The following COMMD1 variants were observed in gnomAD, a reference collection of about 807,000 sequenced individuals.
COMMD1 encodes COMM domain-containing protein 1.
A neutral mutation model predicts 17.2 loss-of-function variants in COMMD1; 10 were observed. That is an observed-to-expected ratio of 0.58 (90% CI 0.36 to 0.99). COMMD1 has a LOEUF of 0.99. Ranked by LOEUF, COMMD1 falls within the 50% of genes least tolerant of loss-of-function variation. The probability of loss-of-function intolerance (pLI) is 0.01; values close to 1 mark genes in which losing one functional copy is unlikely to be tolerated. For synonymous variants in COMMD1, 97 were observed against 91.6 expected, an observed-to-expected ratio of 1.06 and a Z score of -0.34; for missense variants, 270 against 231.8, an observed-to-expected ratio of 1.17 and a Z score of -1.07.
intron 1 of COMMD1, among the ~76,000 whole-genome samples, chr2:61,922,647 G>A (rs13391450): frequency 0.08 from 12,184 of 152,202 alleles, 1,161 homozygotes; most frequent in African/African-American, 0.22. Flanking sequence ...ATAAAAATTT[G>A]CGAGGTTTAT....
intron 2 of COMMD1, among the ~76,000 whole-genome samples, chr2:62,126,804 C>G (rs1040583491): frequency 7.9e-5 from 12 of 152,102 alleles, no homozygotes; most frequent in Non-Finnish European, 1.6e-4. Context: ...AAGCATTCCC[C>G]TTGAAAACCG....
chr2:62,135,449 C>G (rs1249902734), intron 2 of COMMD1, among the ~76,000 whole-genome samples: 1 of 151,696 alleles, frequency 6.6e-6, no homozygotes, highest in Non-Finnish European at 1.5e-5. Flanking sequence ...CTTTCGGGTT[C>G]ACGCCATTCT....
chr2:61,945,439 C>G (rs920456796), intron 1 of COMMD1, among the ~76,000 whole-genome samples: 1 of 152,200 alleles, frequency 6.6e-6, no homozygotes, highest in Admixed American at 6.5e-5. Context: ...CAATTATCCT[C>G]TTGGTTTGAG....
intron 2 of COMMD1, among the ~76,000 whole-genome samples, chr2:62,031,958 A>G (rs1022961772): frequency 5.3e-5 from 8 of 152,186 alleles, no homozygotes; most frequent in African/African-American, 1.9e-4. Context: ...GCTTCTGTGA[A>G]ATGCTCTTTT....
chr2:62,018,629 C>T (rs997842430), intron 2 of COMMD1, among the ~76,000 whole-genome samples: 11 of 152,070 alleles, frequency 7.2e-5, no homozygotes, highest in African/African-American at 1.9e-4. Context: ...TAAAAAAACT[C>T]GATGTTTTGA....
chr2:61,990,055 G>A (rs1174110676), intron 1 of COMMD1, among the ~76,000 whole-genome samples: 1 of 152,204 alleles, frequency 6.6e-6, no homozygotes, highest in African/African-American at 2.4e-5. Flanking sequence ...TATCAACAAG[G>A]TAAGGCGATA....
At chr2:61,905,665 G>T, upstream of COMMD1, 1 of 1,536,894 alleles carries the variant, frequency 6.5e-7, no homozygotes, top group Non-Finnish European at 8.8e-7. Context: ...TGCGGGGCGG[G>T]GCCTTCGCAG....
intron 1 of COMMD1, chr2:61,915,632 A>G: frequency 2.3e-6 from 1 of 440,986 alleles, no homozygotes; most frequent in Non-Finnish European, 4.6e-6. Flanking sequence ...TGAAACTGTA[A>G]ATGCTCACCA....
chr2:61,973,863 C>G (rs1488221159), intron 1 of COMMD1, among the ~76,000 whole-genome samples: 1 of 152,084 alleles, frequency 6.6e-6, no homozygotes, highest in African/African-American at 2.4e-5. Context: ...CTATATAATC[C>G]ACACACCTGT....
chr2:61,963,185 T>TATATTA (rs1422002132), intron 1 of COMMD1, among the ~76,000 whole-genome samples: 4 of 129,788 alleles, frequency 3.1e-5, no homozygotes, highest in South Asian at 2.5e-4. Flanking sequence ...TATATATATA[T>TATATTA]TATATACACA....
At chr2:61,890,091 G>T (rs1306925589) in intron 1 of COMMD1, among the ~76,000 whole-genome samples, 4 of 152,214 alleles carry the variant, frequency 2.6e-5, no homozygotes. Context: ...ATGAAATGAG[G>T]TTTGTTGAAT....
chr2:62,059,323 T>TA lies in COMMD1; in HGVS notation c.462+58341_462+58342insA, dbSNP rs1255220192. Among the ~76,000 whole-genome samples, 32 of 148,324 alleles carry TA rather than the reference T, an allele frequency of 2.2e-4. No homozygotes were observed. The East Asian group carries it at 5.5e-3, about 26-fold the overall frequency. ...GTGCAAGCCATGGCACCTGGCTAAT[T>TA]TAAAAAAAAATTTTTTTGTTTTTTG... On this transcript the variant is annotated intron_variant, in intron 2 of 2. Transcript: ENST00000311832.
In COMMD1 at chr2:61,957,559, C is replaced by T. The variant is rs940509494; in HGVS notation, c.181-43142C>T. Among the ~76,000 whole-genome samples, 4 of 152,008 alleles carry T rather than the reference C, an allele frequency of 2.6e-5. No individual in the cohort carries two copies. In the South Asian group the frequency reaches 6.2e-4, roughly 24 times the overall value. Reference sequence around the variant, plus strand: ...TGGAATCTGCAGAAATTAACGTTAGCCGTAAAGTCTTTGTCTCCTTTTTTT... The same window carrying T: ...TGGAATCTGCAGAAATTAACGTTAGTCGTAAAGTCTTTGTCTCCTTTTTTT... On this transcript the variant is annotated intron_variant, in intron 1 of 2. Coordinates refer to ENST00000311832, the MANE Select transcript of COMMD1 (RefSeq NM_152516.4).
Position 62,001,194 on chromosome 2 carries a change from C to A in COMMD1, c.462+212C>A, listed in dbSNP as rs769586220. On this transcript the variant is annotated intron_variant, in intron 2 of 2. Transcript: ENST00000311832. ...AGCCTCAGGGTCCTGGCAGCTGTCT[C>A]AGAAGAACAGAATGGGCCAATAATG... 62 of 555,446 alleles carry A rather than the reference C, an allele frequency of 1.1e-4. 1 individual carries two copies. The highest frequency in any genetic ancestry group is 2.1e-4 in the Admixed American group (7 of 33,574). 34.4% of individuals were successfully genotyped at this position (555,446 alleles called of 1,614,324 possible).
At position 62,016,289 on chromosome 2, in the gene COMMD1, A is replaced by C. The variant is rs572714248; in HGVS notation, c.462+15307A>C. Among the ~76,000 whole-genome samples, 241 of 144,726 alleles carry C rather than the reference A, an allele frequency of 1.7e-3. 2 individuals are homozygous for C. The highest frequency in any genetic ancestry group is 5.0e-3 in the African/African-American group (192 of 38,774). The allele number at this position is 144,726 out of a possible 152,430, so 94.9% of individuals were successfully genotyped here. A position where few individuals can be genotyped will look rare whatever the true frequency, so the allele number is the denominator to read the frequency against. On this transcript the variant is annotated intron_variant, in intron 2 of 2. Transcript: ENST00000311832. ...AGTGGCACAATCTCGGCTCACTGCA[A>C]CCTCTGCCTCCCAAGCTCCAGTGTT...
At chr2:61,970,218 G>A (rs1003700075) in intron 1 of COMMD1, among the ~76,000 whole-genome samples, 6 of 149,872 alleles carry the variant, frequency 4.0e-5, no homozygotes, top group Non-Finnish European at 7.4e-5. Context: ...AGATCACACC[G>A]CTGCATTCCA....
intron 1 of COMMD1, among the ~76,000 whole-genome samples, chr2:61,965,380 G>C (rs939214455): frequency 2.6e-5 from 4 of 152,210 alleles, no homozygotes; most frequent in African/African-American, 9.6e-5. Context: ...TGGATTAACA[G>C]TGTGATCTGT....
intron 2 of COMMD1, among the ~76,000 whole-genome samples, chr2:62,007,407 A>G (rs1016131825): frequency 2.0e-5 from 3 of 152,186 alleles, no homozygotes; most frequent in African/African-American, 7.2e-5. Flanking sequence ...ATAAACCTCT[A>G]ATCTCGAGGG....
At chr2:61,986,908 A>G (rs1405864371) in intron 1 of COMMD1, among the ~76,000 whole-genome samples, 1 of 152,014 alleles carries the variant, frequency 6.6e-6, no homozygotes, top group Non-Finnish European at 1.5e-5. Context: ...GTGTTTTCAA[A>G]TAGCCTGTCT....
Sources: gnomAD v4.1 joint callset for allele counts (sites outside exome capture counted in the v4.1 genomes callset) on GRCh38, gnomAD v4.1.1 for gene constraint, MANE v1.5 for transcripts, NCBI Gene and HGNC (gene_info 2026-07-23, HGNC 2026-07-21) for gene names.